Variants in PIWIL3 observed in about 807,000 individuals in gnomAD.
PIWIL3 encodes the protein piwi-like protein 3.
Under a neutral mutation model 109.7 loss-of-function variants are expected in PIWIL3, and 101 were observed. The observed-to-expected ratio is 0.92, with a 90% CI of 0.78 to 1.09. PIWIL3 has a LOEUF of 1.09. PIWIL3 is among the 50% of genes least tolerant of loss of function. The pLI, the probability that PIWIL3 is intolerant of heterozygous loss-of-function variation, is 0.00. For missense variants in PIWIL3, 1,031 were observed against 1,072.6 expected (o/e 0.96, Z 0.54); for synonymous variants, 373 against 376.4 (o/e 0.99, Z 0.10).
chr22:24,767,563 A>G (rs1305691856), intron 1 of PIWIL3, among the ~76,000 whole-genome samples: 3 of 151,128 alleles, frequency 2.0e-5, no homozygotes, highest in Admixed American at 6.6e-5. Context: ...AAAAAAAAAA[A>G]GGGCAAAGAG....
At chr22:24,771,798 A>G (rs1601858958) in intron 1 of PIWIL3, among the ~76,000 whole-genome samples, 1 of 151,166 alleles carries the variant, frequency 6.6e-6, no homozygotes, top group African/African-American at 2.4e-5. Flanking sequence ...CAATGGCATG[A>G]TTTTGGCTCA....
At chr22:24,753,420 A>G (rs911301589) in intron 8 of PIWIL3, among the ~76,000 whole-genome samples, 3 of 152,214 alleles carry the variant, frequency 2.0e-5, no homozygotes, top group Admixed American at 1.3e-4. Flanking sequence ...GCCTTGACAC[A>G]CTTGTCAGAA....
At chr22:24,745,717 G>GAAAAAAAAAAAAAAAAAAAAAAAAAACAA (rs71189273) in intron 12 of PIWIL3, among the ~76,000 whole-genome samples, 1 of 80,252 alleles carries the variant, frequency 1.2e-5, no homozygotes, top group Non-Finnish European at 2.5e-5. Flanking sequence ...GTCAGACTAA[G>GAAAAAAAAAAAAAAAAAAAAAAAAAACAA]AAAAAAAAAA....
intron 8 of PIWIL3, among the ~76,000 whole-genome samples, chr22:24,751,956 C>T (rs1233905122): frequency 6.6e-6 from 1 of 152,122 alleles, no homozygotes; most frequent in African/African-American, 2.4e-5. Context: ...GTATGATATC[C>T]CACCTTTTGT....
intron 12 of PIWIL3, among the ~76,000 whole-genome samples, chr22:24,738,521 C>G (rs1214055869): frequency 6.6e-6 from 1 of 152,232 alleles, no homozygotes; most frequent in Non-Finnish European, 1.5e-5. Flanking sequence ...TGTGTCACCC[C>G]AAACCCAGCT....
At chr22:24,772,818 T>C (rs1926203455) in intron 1 of PIWIL3, among the ~76,000 whole-genome samples, 1 of 152,156 alleles carries the variant, frequency 6.6e-6, no homozygotes, top group South Asian at 2.1e-4. Context: ...GGGGAAAAGG[T>C]TGGCAGAGAA....
At chr22:24,737,670 C>T (rs1198482233) in intron 12 of PIWIL3, among the ~76,000 whole-genome samples, 5 of 152,180 alleles carry the variant, frequency 3.3e-5, no homozygotes, top group East Asian at 1.9e-4. Context: ...GGCCTTGGCT[C>T]GTGGATGGCA....
At chr22:24,771,607 G>A (rs1926137749) in intron 1 of PIWIL3, among the ~76,000 whole-genome samples, 1 of 152,148 alleles carries the variant, frequency 6.6e-6, no homozygotes, top group South Asian at 2.1e-4. Context: ...AGAAAATAAT[G>A]GAGACAGTGG....
chr22:24,760,045 C>G, intron 2 of PIWIL3, 56 bp from the exon 3 acceptor site: 1 of 1,602,140 alleles, frequency 6.2e-7, no homozygotes, highest in Non-Finnish European at 8.5e-7. Flanking sequence ...TTCATTCTCC[C>G]TCCAAATGGC....
intron 14 of PIWIL3, among the ~76,000 whole-genome samples, chr22:24,730,453 A>G (rs1194788160): frequency 6.6e-6 from 1 of 152,084 alleles, no homozygotes; most frequent in African/African-American, 2.4e-5. Context: ...TTTGTTTTCA[A>G]AATACCCACT....
At chr22:24,773,596 A>T (rs1271600399) in intron 1 of PIWIL3, among the ~76,000 whole-genome samples, 1 of 152,160 alleles carries the variant, frequency 6.6e-6, no homozygotes, top group Non-Finnish European at 1.5e-5. Flanking sequence ...TTTATTTATC[A>T]TCACGTCAGT....
At chr22:24,758,139 GC>G in intron 3 of PIWIL3, 100 bp from the exon 4 acceptor site, 1 of 1,335,620 alleles carries the variant, frequency 7.5e-7, no homozygotes, top group Non-Finnish European at 1.0e-6. Context: ...TAGAAAAGAT[GC>G]CACCCAAGGT....
intron 12 of PIWIL3, among the ~76,000 whole-genome samples, chr22:24,741,080 A>G (rs1923976257): frequency 6.6e-6 from 1 of 152,264 alleles, no homozygotes; most frequent in Admixed American, 6.5e-5. Context: ...TGGGCTTTGT[A>G]CCAGGGATAC....
chr22:24,732,398 A>G (rs1051493565), intron 14 of PIWIL3, among the ~76,000 whole-genome samples: 3 of 152,236 alleles, frequency 2.0e-5, no homozygotes, highest in African/African-American at 7.2e-5. Flanking sequence ...ATGCCTTAAA[A>G]TATTTAAGGC....
At chr22:24,725,548 A>C in intron 16 of PIWIL3, 33 bp from the exon 17 acceptor site, 1 of 1,607,414 alleles carries the variant, frequency 6.2e-7, no homozygotes, top group African/African-American at 1.3e-5. Flanking sequence ...TTTGGAAAAC[A>C]AGATTCTTAA....
intron 12 of PIWIL3, among the ~76,000 whole-genome samples, chr22:24,738,477 G>A (rs192635554): frequency 1.1e-4 from 17 of 152,308 alleles, no homozygotes; most frequent in Non-Finnish European, 7.4e-5. Flanking sequence ...GGTTGACCCC[G>A]TGCAGTCCCA....
At chr22:24,749,873 A>C (rs1335933912) in intron 9 of PIWIL3, 54 bp from the exon 10 acceptor site, 2 of 1,613,298 alleles carry the variant, frequency 1.2e-6, no homozygotes, top group Non-Finnish European at 1.7e-6. Context: ...TAGAAACATC[A>C]CACACAGAGG....
At chr22:24,725,347 G>A (rs1922926185) in intron 17 of PIWIL3, 98 bp downstream of exon 17, 12 of 1,451,932 alleles carry the variant, frequency 8.3e-6, no homozygotes, top group Non-Finnish European at 1.1e-5. Flanking sequence ...AAAAACTAAA[G>A]GTTCAGTCAT....
intron 1 of PIWIL3, among the ~76,000 whole-genome samples, chr22:24,769,178 C>A (rs1925979816): frequency 6.6e-6 from 1 of 152,162 alleles, no homozygotes; most frequent in Non-Finnish European, 1.5e-5. Context: ...ACCTTTAAAT[C>A]ATCACTAGAT....
Sources: allele counts gnomAD v4.1 joint callset (sites outside exome capture counted in the v4.1 genomes callset), GRCh38; gene constraint gnomAD v4.1.1; transcripts MANE v1.5; gene names NCBI Gene and HGNC (gene_info 2026-07-23, HGNC 2026-07-21).